The following AP1S3 variants were observed in gnomAD, a reference collection of about 807,000 sequenced individuals.
AP1S3 encodes the protein adaptor related protein complex 1 subunit sigma 3, also known as AP-1 complex subunit sigma-3.
In AP1S3, 10 loss-of-function variants were observed where a neutral mutation model predicts 20.9. The ratio of observed to expected loss-of-function variants is 0.48; its 90% CI spans 0.29 to 0.81. The LOEUF is 0.81. Among genes scored for constraint, AP1S3 ranks in the 30% least tolerant of loss-of-function variants. AP1S3 has a pLI of 0.08. For synonymous variants in AP1S3, 41 were observed against 61.5 expected (o/e 0.67, Z 1.56); for missense variants, 154 against 183.8 (o/e 0.84, Z 0.94).
intron 1 of AP1S3, among the ~76,000 whole-genome samples, chr2:223,799,711 A>AGG: frequency 6.6e-6 from 1 of 152,246 alleles, no homozygotes; most frequent in African/African-American, 2.4e-5. Context: ...TAGACTCACA[A>AGG]AATTCTAGCA....
chr2:223,805,107 C>T (rs888755381), intron 1 of AP1S3, among the ~76,000 whole-genome samples: 6 of 152,144 alleles, frequency 3.9e-5, no homozygotes, highest in African/African-American at 7.2e-5. Context: ...AACTCATCAG[C>T]GGGCTTAGGA....
At chr2:223,763,972 G>A (rs1442057738) in intron 4 of AP1S3, among the ~76,000 whole-genome samples, 2 of 152,168 alleles carry the variant, frequency 1.3e-5, no homozygotes, top group Non-Finnish European at 2.9e-5. Context: ...CCCAGGTGGT[G>A]CTGTGGTGCT....
chr2:223,784,976 A>C (rs1691040133), intron 1 of AP1S3, among the ~76,000 whole-genome samples: 1 of 152,236 alleles, frequency 6.6e-6, no homozygotes, highest in South Asian at 2.1e-4. Context: ...CAATGCCTAA[A>C]GATCCAATAA....
Position 223,816,529 on chromosome 2 carries a change from C to T in AP1S3, c.3+20919G>A, listed in dbSNP as rs1562298. The stretch of plus-strand genomic sequence containing the variant: ...GCAAGGAACAGATAGCAAGTATTCA[C>T]AGGAGACCGTGGATAGGGTCCCATA... On this transcript the variant is annotated intron_variant, in intron 1 of 4. Coordinates refer to ENST00000396654, the MANE Select transcript of AP1S3 (RefSeq NM_001039569.2). 6.3e-3 allele frequency among the ~76,000 whole-genome samples: 966 copies of T among 152,316 alleles called. 9 individuals are homozygous for T. The highest frequency in any genetic ancestry group is 0.022 in the African/African-American group (933 of 41,554).
At chr2:223,761,975 T>C (rs1236914649) in intron 4 of AP1S3, among the ~76,000 whole-genome samples, 1 of 151,838 alleles carries the variant, frequency 6.6e-6, no homozygotes, top group Non-Finnish European at 1.5e-5. Flanking sequence ...GAGAGTTTCA[T>C]TTTCTTTTCT....
In AP1S3 at chr2:223,774,372, TAATAAATAAATAAATAAATAAATA is replaced by T. The variant is rs56121039; in HGVS notation, c.291+1505_291+1528del. On this transcript the variant is annotated intron_variant, in intron 3 of 4. Coordinates refer to ENST00000396654, the MANE Select transcript of AP1S3 (RefSeq NM_001039569.2). Reference sequence around the variant, plus strand: ...AAGAACAAAACTCCGTCTCAATAAATAATAAATAAATAAATAAATAAATAAATAAATAAATAAATAAGGGTAGTG... The same window carrying T: ...AAGAACAAAACTCCGTCTCAATAAATAATAAATAAATAAATAAGGGTAGTG... Among the ~76,000 whole-genome samples, 26 of 145,532 alleles carry T rather than the reference TAATAAATAAATAAATAAATAAATA, an allele frequency of 1.8e-4. No homozygotes were observed. In the Middle Eastern group the frequency reaches 0.014, roughly 78 times the overall value.
rs1691762652 is a variant in AP1S3 at position 223,812,750 on chromosome 2, A to G, written c.3+24698T>C. ...GATTCCATAAAGCCTGGCCTGAAAA[A>G]CCACTGCCTTTGAGTGCCACATCTT... On this transcript the variant is annotated intron_variant, in intron 1 of 4. Transcript: ENST00000396654. Among the ~76,000 whole-genome samples, 3 of 152,112 alleles carry G rather than the reference A, an allele frequency of 2.0e-5. No individual in the cohort carries two copies. In the South Asian group the frequency reaches 6.2e-4, roughly 32 times the overall value.
intron 1 of AP1S3, among the ~76,000 whole-genome samples, chr2:223,823,487 C>G (rs972492235): frequency 3.3e-5 from 5 of 152,052 alleles, no homozygotes; most frequent in Non-Finnish European, 5.9e-5. Context: ...AAGCCAAGCA[C>G]AGAAAAAGTA....
rs115798347 is a variant in AP1S3 at position 223,802,109 on chromosome 2, G to T, written c.4-24240C>A. ...AAGATTGTTTGTATATCTCTACTGAGGGTCTGGAACGTTATTGAGAGGAGG... is the reference window on the plus strand; with the variant it reads ...AAGATTGTTTGTATATCTCTACTGATGGTCTGGAACGTTATTGAGAGGAGG... On this transcript the variant is annotated intron_variant, in intron 1 of 4. Coordinates refer to ENST00000396654, the MANE Select transcript of AP1S3 (RefSeq NM_001039569.2). 2.5e-3 allele frequency among the ~76,000 whole-genome samples: 376 copies of T among 152,194 alleles called. 1 individual carries two copies. Among genetic ancestry groups the T allele is most frequent in the African/African-American group, 9.0e-3 (373 of 41,554 alleles).
chr2:223,760,278 G>T (rs1387558489), intron 4 of AP1S3, among the ~76,000 whole-genome samples: 1 of 152,160 alleles, frequency 6.6e-6, no homozygotes, highest in African/African-American at 2.4e-5. Context: ...TTGTTCTTAA[G>T]CTTAAACTCC....
chr2:223,791,435 CAT>C (rs1329801451), intron 1 of AP1S3, among the ~76,000 whole-genome samples: 2 of 152,156 alleles, frequency 1.3e-5, no homozygotes, highest in South Asian at 2.1e-4. Context: ...ACAAAAACCA[CAT>C]GATTATCTCA....
intron 3 of AP1S3, among the ~76,000 whole-genome samples, chr2:223,770,726 C>CT (rs1194728092): frequency 3.9e-5 from 3 of 76,628 alleles, no homozygotes; most frequent in Non-Finnish European, 4.2e-5. Flanking sequence ...TAGACCAGTT[C>CT]ATTTTTTTTT....
At chr2:223,837,223 G>GCGGCGCCA (rs1692423969) in intron 1 of AP1S3, among the ~76,000 whole-genome samples, 3 of 151,068 alleles carry the variant, frequency 2.0e-5, no homozygotes, top group Admixed American at 6.6e-5. Context: ...GAATGGAGCC[G>GCGGCGCCA]CGGCGCCGCG....
chr2:223,829,846 C>CAA lies in AP1S3; in HGVS notation c.3+7600_3+7601dup, dbSNP rs747229566. Among the ~76,000 whole-genome samples the CAA allele has an allele frequency of 6.9e-3, 869 of 125,478 alleles. 10 individuals carry two copies. The highest frequency in any genetic ancestry group is 0.023 in the African/African-American group (818 of 35,590). 82.3% of individuals were successfully genotyped at this position (125,478 alleles called of 152,430 possible). A position where few individuals can be genotyped will look rare whatever the true frequency, so the allele number is the denominator to read the frequency against. Reference sequence around the variant, plus strand: ...AGTGAGACTCCATCTCAAAAAAAAACAAAAAAAAAACAAAAAAACACAGCT... The same window carrying CAA: ...AGTGAGACTCCATCTCAAAAAAAAACAAAAAAAAAAAACAAAAAAACACAGCT... On this transcript the variant is annotated intron_variant, in intron 1 of 4. Coordinates refer to ENST00000396654, the MANE Select transcript of AP1S3 (RefSeq NM_001039569.2).
rs1430727148 is a variant in AP1S3 at position 223,756,469 on chromosome 2, AGAAAGAAAGAAAGAAAAAAAG to A, written c.*2225_*2245del. ...GAAGGAAAAGAAAGAAAGAAAGAAAAGAAAGAAAGAAAGAAAAAAAGAAAGAAAAAATTCTAACACATTAAA... is the reference window on the plus strand; with the variant it reads ...GAAGGAAAAGAAAGAAAGAAAGAAAAAAAGAAAAAATTCTAACACATTAAA... On this transcript the variant is annotated 3_prime_UTR_variant, in exon 5 of 5. Coordinates refer to ENST00000396654, the MANE Select transcript of AP1S3 (RefSeq NM_001039569.2). 3 of 908,264 alleles carry A rather than the reference AGAAAGAAAGAAAGAAAAAAAG, an allele frequency of 3.3e-6. No homozygotes were observed. Among genetic ancestry groups the A allele is most frequent in the Non-Finnish European group, 3.9e-6 (3 of 763,612 alleles). 56.3% of individuals were successfully genotyped at this position (908,264 alleles called of 1,614,324 possible). A position where few individuals can be genotyped will look rare whatever the true frequency, so the allele number is the denominator to read the frequency against.
intron 4 of AP1S3, among the ~76,000 whole-genome samples, chr2:223,764,726 G>A (rs1231630680): frequency 2.0e-5 from 3 of 152,134 alleles, no homozygotes; most frequent in African/African-American, 2.4e-5. Flanking sequence ...AAATAACAAT[G>A]TACTGCTATT....
At chr2:223,828,296 T>C (rs1692181045) in intron 1 of AP1S3, among the ~76,000 whole-genome samples, 2 of 97,252 alleles carry the variant, frequency 2.1e-5, no homozygotes, top group Non-Finnish European at 4.1e-5. Flanking sequence ...CCTCTCTCTC[T>C]TTTTTTTTTT....
chr2:223,776,277 T>C, intron 2 of AP1S3: 2 of 487,408 alleles, frequency 4.1e-6, no homozygotes, highest in Non-Finnish European at 3.9e-6. Context: ...GAGGACAGTA[T>C]CCTTTCGCTC....
At chr2:223,794,042 T>C (rs146394526) in intron 1 of AP1S3, among the ~76,000 whole-genome samples, 1 of 152,188 alleles carries the variant, frequency 6.6e-6, no homozygotes, top group African/African-American at 2.4e-5. Context: ...GCTATCACCT[T>C]TGGATTAAAG....
Sources: allele counts gnomAD v4.1 joint callset (sites outside exome capture counted in the v4.1 genomes callset), GRCh38; gene constraint gnomAD v4.1.1; transcripts MANE v1.5; gene names NCBI Gene and HGNC (gene_info 2026-07-23, HGNC 2026-07-21).